Variants in BCAR3 observed in about 807,000 individuals in gnomAD.
BCAR3 encodes BCAR3 adaptor protein, NSP family member.
Under a neutral mutation model 80.1 loss-of-function variants are expected in BCAR3, and 37 were observed. The observed-to-expected ratio is 0.46, with a 90% CI of 0.36 to 0.61. The LOEUF (loss-of-function observed/expected upper bound fraction) is 0.61. Among genes scored for constraint, BCAR3 ranks in the 20% least tolerant of loss-of-function variants. The probability of loss-of-function intolerance (pLI) is 0.00; values close to 1 mark genes in which losing one functional copy is unlikely to be tolerated. For missense variants in BCAR3, 978 were observed against 1,068.2 expected (o/e 0.92, Z 1.18); for synonymous variants, 389 against 418.9 (o/e 0.93, Z 0.87).
chr1:93,605,725 A>C (rs537144491), intron 3 of BCAR3, among the ~76,000 whole-genome samples: 18 of 152,256 alleles, frequency 1.2e-4, no homozygotes, highest in Non-Finnish European at 1.2e-4. Flanking sequence ...CTTCAATAAG[A>C]ATGTCAGCAA....
At chr1:93,781,713 G>A (rs1019214716) in intron 2 of BCAR3, among the ~76,000 whole-genome samples, 4 of 152,048 alleles carry the variant, frequency 2.6e-5, no homozygotes, top group African/African-American at 9.7e-5. Flanking sequence ...TGCATCATAG[G>A]CATACATTTT....
chr1:93,821,688 C>T (rs561812127), intron 2 of BCAR3, among the ~76,000 whole-genome samples: 61 of 152,282 alleles, frequency 4.0e-4, no homozygotes, highest in African/African-American at 1.4e-3. Context: ...AAAGAATTAG[C>T]ATTTACTGAG....
chr1:93,654,200 C>T (rs760463274), intron 2 of BCAR3, among the ~76,000 whole-genome samples: 18 of 152,128 alleles, frequency 1.2e-4, no homozygotes, highest in Non-Finnish European at 2.4e-4. Flanking sequence ...ATTAGTGCTG[C>T]TGCACAGGGA....
intron 3 of BCAR3, among the ~76,000 whole-genome samples, chr1:93,595,756 G>A (rs1674394517): frequency 6.6e-6 from 1 of 152,204 alleles, no homozygotes; most frequent in African/African-American, 2.4e-5. Flanking sequence ...GTGGCAAAAT[G>A]TATCCATCTG....
At chr1:93,781,512 GC>G (rs1389001735) in intron 2 of BCAR3, among the ~76,000 whole-genome samples, 1 of 152,136 alleles carries the variant, frequency 6.6e-6, no homozygotes, top group Non-Finnish European at 1.5e-5. Flanking sequence ...CTATGCAAAT[GC>G]TTTACATACT....
At chr1:93,709,568 G>A (rs754693548) in intron 2 of BCAR3, among the ~76,000 whole-genome samples, 4 of 152,202 alleles carry the variant, frequency 2.6e-5, no homozygotes, top group Non-Finnish European at 5.9e-5. Context: ...GTATAAGGAT[G>A]TCTTACTGGC....
intron 3 of BCAR3, among the ~76,000 whole-genome samples, chr1:93,688,389 A>T (rs140199505): frequency 1.5e-4 from 23 of 152,054 alleles, no homozygotes; most frequent in African/African-American, 5.5e-4. Flanking sequence ...CCTGTTTCCC[A>T]TTTACATCCT....
intron 3 of BCAR3, among the ~76,000 whole-genome samples, chr1:93,700,805 C>T (rs1465131461): frequency 6.6e-6 from 1 of 152,246 alleles, no homozygotes; most frequent in Non-Finnish European, 1.5e-5. Flanking sequence ...CAGGAAGAAA[C>T]ATTTCATCAG....
chr1:93,582,237 CG>C, intron 7 of BCAR3, 63 bp downstream of exon 7: 2 of 1,546,910 alleles, frequency 1.3e-6, no homozygotes, highest in Non-Finnish European at 1.7e-6. Flanking sequence ...AGAGGAGCAC[CG>C]GGACCCCTAG....
chr1:93,582,667 GCAGC>G lies in BCAR3; in HGVS notation c.1316_1319del (p.Gly439AlafsTer37). 1 of 1,614,066 alleles carries G rather than the reference GCAGC, an allele frequency of 6.2e-7. No individual in the cohort carries two copies. The highest frequency in any genetic ancestry group is 8.5e-7 in the Non-Finnish European group (1 of 1,180,008). On this transcript the variant is annotated frameshift_variant, in exon 7 of 12. Coordinates refer to ENST00000260502, the MANE Select transcript of BCAR3 (RefSeq NM_003567.4). LOFTEE classifies it high-confidence loss of function. ...ATGAGGGTAGCTTTGCTCCCCTGCC[GCAGC>G]CTGTGGCAAACGCTGGGTTCAGTTC... is the stretch of plus-strand genomic sequence containing the variant.
chr1:93,766,980 G>T (rs1049639040), intron 2 of BCAR3, among the ~76,000 whole-genome samples: 2 of 152,174 alleles, frequency 1.3e-5, no homozygotes, highest in Non-Finnish European at 2.9e-5. Context: ...CTCTGAGGGT[G>T]GGGAGCAGGG....
chr1:93,640,373 A>C (rs1159702351), intron 3 of BCAR3, among the ~76,000 whole-genome samples: 1 of 152,184 alleles, frequency 6.6e-6, no homozygotes, highest in Non-Finnish European at 1.5e-5. Context: ...CATTGGCTCA[A>C]CACATTCCCA....
chr1:93,842,779 C>T (rs1321248438), intron 2 of BCAR3, among the ~76,000 whole-genome samples: 1 of 152,208 alleles, frequency 6.6e-6, no homozygotes, highest in Non-Finnish European at 1.5e-5. Context: ...TCTGTTGACA[C>T]ATCTTCCATC....
intron 2 of BCAR3, among the ~76,000 whole-genome samples, chr1:93,762,372 C>T (rs564769054): frequency 6.6e-6 from 1 of 152,200 alleles, no homozygotes; most frequent in Non-Finnish European, 1.5e-5. Context: ...TACAGAAAGA[C>T]AAAACTGTCA....
intron 2 of BCAR3, among the ~76,000 whole-genome samples, chr1:93,669,598 T>C (rs977090615): frequency 6.6e-6 from 1 of 152,172 alleles, no homozygotes; most frequent in African/African-American, 2.4e-5. Flanking sequence ...CTCACAGCTG[T>C]TCCCAGGAAT....
intron 2 of BCAR3, among the ~76,000 whole-genome samples, chr1:93,663,216 G>T (rs1490112425): frequency 6.6e-6 from 1 of 152,148 alleles, no homozygotes; most frequent in Non-Finnish European, 1.5e-5. Context: ...TGGTCTTATT[G>T]TTCCAAACAT....
At chr1:93,623,632 A>C (rs1256962057) in intron 3 of BCAR3, among the ~76,000 whole-genome samples, 1 of 152,212 alleles carries the variant, frequency 6.6e-6, no homozygotes, top group African/African-American at 2.4e-5. Flanking sequence ...CAAGAGACTA[A>C]GGTCCTAAAA....
chr1:93,777,343 CTGCT>C, intron 2 of BCAR3, among the ~76,000 whole-genome samples: 2 of 151,920 alleles, frequency 1.3e-5, no homozygotes, highest in East Asian at 1.9e-4. Context: ...AATATTTCTT[CTGCT>C]TTCTTCTTCC....
At chr1:93,655,922 C>G (rs1647359443) in intron 2 of BCAR3, among the ~76,000 whole-genome samples, 1 of 152,240 alleles carries the variant, frequency 6.6e-6, no homozygotes, top group African/African-American at 2.4e-5. Context: ...TGTGCAGACA[C>G]TAGTTAAGAA....
Sources: allele counts gnomAD v4.1 joint callset (sites outside exome capture counted in the v4.1 genomes callset), GRCh38; gene constraint gnomAD v4.1.1; transcripts MANE v1.5; gene names NCBI Gene and HGNC (gene_info 2026-07-23, HGNC 2026-07-21).